Variants in PRG3 observed in about 807,000 individuals in gnomAD.
The protein encoded by PRG3 is proteoglycan 3.
In PRG3, 25 loss-of-function variants were observed where a neutral mutation model predicts 26.1. The observed-to-expected ratio is 0.96, with a 90% CI of 0.70 to 1.34. The LOEUF (loss-of-function observed/expected upper bound fraction) is 1.34. Among genes scored for constraint, PRG3 ranks in the 40% most tolerant of loss-of-function variants. The probability of loss-of-function intolerance (pLI) is 0.00; values close to 1 mark genes in which losing one functional copy is unlikely to be tolerated. For synonymous variants in PRG3, 111 were observed against 100.4 expected, an observed-to-expected ratio of 1.11 and a Z score of -0.63; for missense variants, 280 against 264.8, an observed-to-expected ratio of 1.06 and a Z score of -0.40.
In PRG3 at chr11:57,377,624, G is replaced by T. The variant is rs1856957274; in HGVS notation, c.619+101C>A. On this transcript the variant is annotated intron_variant, in intron 5 of 5. Coordinates refer to ENST00000287143, the MANE Select transcript of PRG3 (RefSeq NM_006093.4). Reference sequence around the variant, plus strand: ...GACTTTTGTTCTTCAGTCAGCGGGAGGGTCTGAGTTTGGGGAGGTGTGTTC... The same window carrying T: ...GACTTTTGTTCTTCAGTCAGCGGGATGGTCTGAGTTTGGGGAGGTGTGTTC... 3.2e-6 allele frequency: 3 copies of T among 938,374 alleles called. No individual in the cohort carries two copies. In the South Asian group the frequency reaches 4.9e-5, roughly 15 times the overall value. The allele number at this position is 938,374 out of a possible 1,614,324, so 58.1% of individuals were successfully genotyped here. A position where few individuals can be genotyped will look rare whatever the true frequency, so the allele number is the denominator to read the frequency against.
intron 2 of PRG3, 49 bp from the exon 3 acceptor site, chr11:57,379,856 A>G: frequency 6.6e-7 from 1 of 1,523,088 alleles, no homozygotes; most frequent in Non-Finnish European, 8.8e-7. Flanking sequence ...TCCTAGTTCC[A>G]GCACCGTGGA....
At chr11:57,379,918 G>T in intron 2 of PRG3, 111 bp from the exon 3 acceptor site, 1 of 1,007,904 alleles carries the variant, frequency 9.9e-7, no homozygotes, top group South Asian at 1.7e-5. Context: ...CTGAAGACAA[G>T]ACTGGAGGAT....
At chr11:57,379,831 A>C in intron 2 of PRG3, 24 bp from the exon 3 acceptor site, 1 of 1,583,084 alleles carries the variant, frequency 6.3e-7, no homozygotes, top group Non-Finnish European at 8.6e-7. Flanking sequence ...GTAACCTGCC[A>C]TCAGGTCAAG....
chr11:57,377,527 C>G lies in PRG3; in HGVS notation c.619+198G>C, dbSNP rs917715843. 2.6e-5 allele frequency among the ~76,000 whole-genome samples: 4 copies of G among 152,210 alleles called. 1 individual carries two copies. The highest frequency in any genetic ancestry group is 4.1e-4 in the South Asian group (2 of 4,830). On this transcript the variant is annotated intron_variant, in intron 5 of 5. Transcript: ENST00000287143. ...ACACACACACCATCCAGCCCACCCC[C>G]CTGTCTCCAGAACTCCTATCACCTG...
Position 57,378,688 on chromosome 11 carries a change from C to CT in PRG3, c.499dup (p.Arg167LysfsTer13), listed in dbSNP as rs1856968445. 1 of 1,613,626 alleles carries CT rather than the reference C, an allele frequency of 6.2e-7. No homozygotes were observed. Among genetic ancestry groups the CT allele is most frequent in the East Asian group, 2.2e-5 (1 of 44,880 alleles). The stretch of plus-strand genomic sequence containing the variant: ...ATTTGGCCCCTGACTTACCCAGCCC[C>CT]TGAGGTTGCCTCCAATCCAGACCTG... On this transcript the variant is annotated frameshift_variant, in exon 4 of 6. Transcript: ENST00000287143. LOFTEE classifies it high-confidence loss of function.
intron 2 of PRG3, among the ~76,000 whole-genome samples, 194 bp downstream of exon 2, chr11:57,380,454 A>C (rs1856989046): frequency 6.6e-6 from 1 of 151,972 alleles, no homozygotes; most frequent in Admixed American, 6.6e-5. Context: ...CAACAAAAAA[A>C]AATCAAACAA....
intron 5 of PRG3, 138 bp from the exon 6 acceptor site, chr11:57,377,046 C>T (rs1376575830): frequency 3.6e-6 from 3 of 828,116 alleles, no homozygotes; most frequent in Admixed American, 4.4e-5. Flanking sequence ...CCCCACATCC[C>T]TACTGGCTCA....
At position 57,379,352 on chromosome 11, in the gene PRG3, A is replaced by G. The variant is rs373987694; in HGVS notation, c.375+142T>C. On this transcript the variant is annotated intron_variant, in intron 3 of 5. Transcript: ENST00000287143. Reference sequence around the variant, plus strand: ...AGAAGTCGTGCAGGTGAGGCCCAGAAAGCTGTGTTTTAACAACAACTCCAG... The same window carrying G: ...AGAAGTCGTGCAGGTGAGGCCCAGAGAGCTGTGTTTTAACAACAACTCCAG... 25 of 875,752 alleles carry G rather than the reference A, an allele frequency of 2.9e-5. No homozygotes were observed. The African/African-American group carries it at 4.0e-4, about 14-fold the overall frequency. The allele number at this position is 875,752 out of a possible 1,614,324, so 54.2% of individuals were successfully genotyped here. A position where few individuals can be genotyped will look rare whatever the true frequency, so the allele number is the denominator to read the frequency against.
At chr11:57,378,536 G>T in intron 4 of PRG3, 145 bp downstream of exon 4, 2 of 1,081,918 alleles carry the variant, frequency 1.8e-6, no homozygotes, top group Non-Finnish European at 2.7e-6. Flanking sequence ...CAGTTCTCCT[G>T]AGCCAGTACA....
intron 5 of PRG3, 73 bp from the exon 6 acceptor site, chr11:57,376,981 A>G: frequency 1.9e-6 from 3 of 1,543,634 alleles, no homozygotes; most frequent in South Asian, 1.1e-5. Context: ...TTCCCTCCTC[A>G]GGGGCCCCCT....
At chr11:57,377,871 G>A (rs368767588) in intron 4 of PRG3, 35 bp from the exon 5 acceptor site, 49 of 1,564,844 alleles carry the variant, frequency 3.1e-5, no homozygotes, top group Non-Finnish European at 4.2e-5. Flanking sequence ...GAGGGCAGAA[G>A]TTCAGATCCA....
At position 57,376,802 on chromosome 11, in the gene PRG3, G is replaced by T; in HGVS notation, c.*48C>A. 6.3e-7 allele frequency: 1 copy of T among 1,583,720 alleles called. No homozygotes were observed. Among genetic ancestry groups the T allele is most frequent in the Non-Finnish European group, 8.7e-7 (1 of 1,154,388 alleles). On this transcript the variant is annotated 3_prime_UTR_variant, in exon 6 of 6. Coordinates refer to ENST00000287143, the MANE Select transcript of PRG3 (RefSeq NM_006093.4). ...GAAGTCTGGATTTATGAGCAGGAGA[G>T]GTTGGGGGACGGGAGGGAGCTGCTG...
chr11:57,377,842 G>C lies in PRG3; in HGVS notation c.508-6C>G. On this transcript the variant is annotated splice_polypyrimidine_tract_variant and splice_region_variant and intron_variant, in intron 4 of 5. Coordinates refer to ENST00000287143, the MANE Select transcript of PRG3 (RefSeq NM_006093.4). ...CAAAACCGCTTCCACAGGAACTAGA[G>C]AAGTGACAGGCTAGGTCAGAGGGCA... 1 of 1,609,416 alleles carries C rather than the reference G, an allele frequency of 6.2e-7. No individual in the cohort carries two copies. Among genetic ancestry groups the C allele is most frequent in the Non-Finnish European group, 8.5e-7 (1 of 1,176,950 alleles).
At position 57,379,785 on chromosome 11, in the gene PRG3, C is replaced by T. The variant is rs755267417; in HGVS notation, c.84G>A (p.Glu28=). The change falls in exon 3 of 6, where the codon GAG becomes GAA. Residue 28 remains glutamate (E), a synonymous_variant. Transcript: ENST00000287143. ...CTAGGTCTGCCTGTGTCTCTAGGCT[C>T]TCCAGATGGGGGGCATCATTCTCTG... ...LHLENDAPHL[E]SLETQADLGQ... 2.5e-6 allele frequency: 4 copies of T among 1,609,652 alleles called. No homozygotes were observed. The highest frequency in any genetic ancestry group is 3.4e-6 in the Non-Finnish European group (4 of 1,177,310).
intron 4 of PRG3, 68 bp from the exon 5 acceptor site, chr11:57,377,904 T>C: frequency 7.6e-7 from 1 of 1,316,880 alleles, no homozygotes; most frequent in Non-Finnish European, 1.1e-6. Flanking sequence ...ATACCCCCTG[T>C]TGACTTCTCT....
chr11:57,379,193 A>AT (rs756627942), intron 3 of PRG3, among the ~76,000 whole-genome samples: 3 of 152,212 alleles, frequency 2.0e-5, no homozygotes, highest in Non-Finnish European at 4.4e-5. Flanking sequence ...CAGAACCAGA[A>AT]TTTAACACAG....
At chr11:57,378,558 G>A (rs1565079016) in intron 4 of PRG3, 123 bp downstream of exon 4, 3 of 1,312,408 alleles carry the variant, frequency 2.3e-6, no homozygotes, top group Non-Finnish European at 3.2e-6. Flanking sequence ...GCCATCTCCA[G>A]CACATCATTG....
intron 2 of PRG3, among the ~76,000 whole-genome samples, chr11:57,380,426 A>AC (rs999378073): frequency 5.5e-4 from 84 of 151,626 alleles, no homozygotes; most frequent in African/African-American, 1.9e-3. Flanking sequence ...CAAACAAAAA[A>AC]AAAAACAAAA....
chr11:57,380,817 G>T, intron 1 of PRG3, 36 bp from the exon 2 acceptor site: 1 of 775,890 alleles, frequency 1.3e-6, no homozygotes, highest in African/African-American at 1.9e-5. Context: ...TTGTTTAATT[G>T]TTTGATTAAA....
Sources: allele counts gnomAD v4.1 joint callset (sites outside exome capture counted in the v4.1 genomes callset), GRCh38; gene constraint gnomAD v4.1.1; transcripts MANE v1.5; gene names NCBI Gene and HGNC (gene_info 2026-07-23, HGNC 2026-07-21).